Variants in PTAFR observed in about 807,000 individuals in gnomAD.
PTAFR encodes the protein platelet-activating factor receptor.
In PTAFR, 8 loss-of-function variants were observed where a neutral mutation model predicts 14.7. That is an observed-to-expected ratio of 0.54 (90% confidence interval 0.32 to 0.98). The LOEUF is 0.98. Ranked by LOEUF, PTAFR falls within the 50% of genes least tolerant of loss-of-function variation. The pLI is 0.04. For missense variants in PTAFR, 337 were observed against 451.2 expected, an observed-to-expected ratio of 0.75 and a Z score of 2.29; for synonymous variants, 156 against 176.5, an observed-to-expected ratio of 0.88 and a Z score of 0.92.
Position 28,193,684 on chromosome 1 carries a change from C to T in PTAFR, c.-39+38G>A, listed in dbSNP as rs1050298715. ...CTGCAGGGCAGCTAGACAAAGCGGC[C>T]GAAACTTAGCCCTTCCCTCAGGCCA... On this transcript the variant is annotated intron_variant, in intron 1 of 1. Coordinates refer to the PTAFR transcript ENST00000305392. The T allele has an allele frequency of 3.3e-5, 5 of 152,744 alleles. No individual in the cohort carries two copies. The East Asian group carries it at 5.8e-4, about 18-fold the overall frequency. 9.5% of individuals were successfully genotyped at this position (152,744 alleles called of 1,614,324 possible).
chr1:28,185,357 T>C (rs1266367637), intron 1 of PTAFR, among the ~76,000 whole-genome samples: 1 of 152,164 alleles, frequency 6.6e-6, no homozygotes, highest in Non-Finnish European at 1.5e-5. Flanking sequence ...CCAGATACAC[T>C]AAACTAGGGC....
intron 1 of PTAFR, among the ~76,000 whole-genome samples, chr1:28,187,369 GA>G (rs1175101232): frequency 1.3e-5 from 2 of 151,986 alleles, no homozygotes; most frequent in South Asian, 4.2e-4. Context: ...ATCCATTAAG[GA>G]AAAAAATAAT....
At chr1:28,182,181 C>G (rs1483278108) in intron 1 of PTAFR, among the ~76,000 whole-genome samples, 1 of 151,524 alleles carries the variant, frequency 6.6e-6, no homozygotes, top group African/African-American at 2.4e-5. Context: ...ACTAAGAATA[C>G]TAAAATTAGC....
chr1:28,193,169 G>A (rs189266566), intron 1 of PTAFR, among the ~76,000 whole-genome samples: 3,413 of 152,084 alleles, frequency 0.022, 140 homozygotes, highest in African/African-American at 0.077. Flanking sequence ...TTGCATTGCT[G>A]TGTGTCTGTG....
intron 1 of PTAFR, among the ~76,000 whole-genome samples, chr1:28,155,411 A>G (rs1458165643): frequency 6.6e-6 from 1 of 152,058 alleles, no homozygotes; most frequent in Non-Finnish European, 1.5e-5. Flanking sequence ...GCGTTTCACC[A>G]TGTTGGTCAG....
intron 1 of PTAFR, among the ~76,000 whole-genome samples, chr1:28,182,061 C>T (rs915857409): frequency 3.9e-5 from 6 of 152,050 alleles, no homozygotes; most frequent in Admixed American, 6.6e-5. Context: ...TTGGGCCAGG[C>T]GCAGTGGCTC....
At chr1:28,163,998 C>A (rs1646354932) in intron 1 of PTAFR, among the ~76,000 whole-genome samples, 1 of 152,216 alleles carries the variant, frequency 6.6e-6, no homozygotes, top group African/African-American at 2.4e-5. Context: ...CATAAATATT[C>A]ATGAGACAGA....
chr1:28,164,049 A>G (rs911900504), intron 1 of PTAFR, among the ~76,000 whole-genome samples: 2 of 152,190 alleles, frequency 1.3e-5, no homozygotes, highest in African/African-American at 4.8e-5. Context: ...TTCCCTGTGC[A>G]GCATTCGGCC....
At chr1:28,191,016 C>A (rs921966328) in intron 1 of PTAFR, among the ~76,000 whole-genome samples, 11 of 152,242 alleles carry the variant, frequency 7.2e-5, no homozygotes, top group African/African-American at 2.4e-4. Context: ...ATTCTCCTCT[C>A]TTTTCTCCTC....
chr1:28,163,434 G>A (rs889597105), intron 1 of PTAFR, among the ~76,000 whole-genome samples: 7 of 152,160 alleles, frequency 4.6e-5, no homozygotes, highest in African/African-American at 1.2e-4. Flanking sequence ...TGATGGCTCC[G>A]AAATCCCCGG....
intron 1 of PTAFR, among the ~76,000 whole-genome samples, chr1:28,173,842 C>T (rs187012576): frequency 6.6e-6 from 1 of 152,170 alleles, no homozygotes; most frequent in East Asian, 1.9e-4. Flanking sequence ...CTCTCACACA[C>T]AAACACACAA....
intron 1 of PTAFR, among the ~76,000 whole-genome samples, chr1:28,154,421 A>AC (rs1424261939): frequency 6.6e-6 from 1 of 152,092 alleles, no homozygotes; most frequent in Non-Finnish European, 1.5e-5. Flanking sequence ...TAGGGCGAAC[A>AC]CCCAGCAAGG....
intron 1 of PTAFR, among the ~76,000 whole-genome samples, chr1:28,170,665 G>A (rs908189133): frequency 1.3e-5 from 2 of 152,070 alleles, no homozygotes; most frequent in African/African-American, 4.8e-5. Flanking sequence ...TCATACCACT[G>A]CACTCCAGCC....
intron 1 of PTAFR, among the ~76,000 whole-genome samples, chr1:28,192,644 T>TTTTG (rs928140839): frequency 2.6e-5 from 4 of 151,770 alleles, no homozygotes; most frequent in East Asian, 1.9e-4. Flanking sequence ...TGGGTTTTTT[T>TTTTG]TTTGTTTGTT....
At chr1:28,191,298 A>C (rs1339363624) in intron 1 of PTAFR, among the ~76,000 whole-genome samples, 1 of 152,268 alleles carries the variant, frequency 6.6e-6, no homozygotes, top group East Asian at 1.9e-4. Context: ...AAGTTGGAAG[A>C]AGCCCTAGAT....
In PTAFR at chr1:28,150,135, A is replaced by C; in HGVS notation, c.887T>G (p.Leu296Arg). 6.2e-7 allele frequency: 1 copy of C among 1,614,158 alleles called. No homozygotes were observed. The highest frequency in any genetic ancestry group is 8.5e-7 in the Non-Finnish European group (1 of 1,180,026). The change falls in exon 2 of 2, where the codon CTC becomes CGC. Residue 296 changes from leucine to arginine, a missense_variant. Coordinates refer to ENST00000373857, the MANE Select transcript of PTAFR (RefSeq NM_000952.5). This position sits in a 1 kb window ranked among gnomAD's most constrained non-coding sequence, Gnocchi z 6.3. ...GAGGTGCTTGCGGAACTTCTTGGTG[A>C]GGAAACAGTAGATAACAGGGTCTAA... ...CVLDPVIYCFLTKKFRKHLTE... is the reference protein window; with the variant it reads ...CVLDPVIYCFRTKKFRKHLTE...
chr1:28,178,297 G>A (rs1268905463), upstream of PTAFR, among the ~76,000 whole-genome samples: 1 of 151,564 alleles, frequency 6.6e-6, no homozygotes. Context: ...GTCTCACTCT[G>A]TCTCCCAGGC....
At chr1:28,157,300 A>G (rs313147) in intron 1 of PTAFR, among the ~76,000 whole-genome samples, 41,807 of 151,324 alleles carry the variant, frequency 0.28, 7,302 homozygotes, top group African/African-American at 0.5. Context: ...CTACCACACC[A>G]GCTAATTTTT....
At chr1:28,170,139 C>A (rs1646435896) in intron 1 of PTAFR, among the ~76,000 whole-genome samples, 1 of 152,200 alleles carries the variant, frequency 6.6e-6, no homozygotes, top group African/African-American at 2.4e-5. Flanking sequence ...TATCACATTG[C>A]ATTATCATAG....
Sources: gnomAD v4.1 joint callset for allele counts (sites outside exome capture counted in the v4.1 genomes callset) on GRCh38, gnomAD v4.1.1 for gene constraint, Gnocchi (gnomAD v3.1) non-coding constraint, MANE v1.5 for transcripts, NCBI Gene and HGNC (gene_info 2026-07-23, HGNC 2026-07-21) for gene names.